The following SRI variants were observed in gnomAD, a reference collection of about 807,000 sequenced individuals.
SRI encodes 22 kDa protein.
SRI carries 30 observed loss-of-function variants against 33.3 expected under a neutral mutation model. The ratio of observed to expected loss-of-function variants is 0.90; its 90% CI spans 0.67 to 1.22. The LOEUF (loss-of-function observed/expected upper bound fraction) is 1.22. Among genes scored for constraint, SRI ranks in the 50% most tolerant of loss-of-function variants. SRI has a pLI of 0.00. For synonymous variants in SRI, 75 were observed against 89.9 expected (o/e 0.83, Z 0.94); for missense variants, 243 against 250.8 (o/e 0.97, Z 0.21).
At chr7:88,207,751 G>C (rs1427356932) in intron 7 of SRI, 5 of 152,262 alleles carry the variant, frequency 3.3e-5, no homozygotes, top group Non-Finnish European at 7.3e-5. Context: ...CCAGCACTTT[G>C]GGAGGCCTAA....
chr7:88,216,164 G>A (rs552289783), intron 3 of SRI, among the ~76,000 whole-genome samples: 9 of 152,244 alleles, frequency 5.9e-5, no homozygotes, highest in African/African-American at 2.2e-4. Context: ...TTTTTGCAGA[G>A]ACAAGGTTTC....
chr7:88,218,856 A>G lies in SRI; in HGVS notation c.135+3T>C, dbSNP rs772085816. 5 of 1,614,008 alleles carry G rather than the reference A, an allele frequency of 3.1e-6. No homozygotes were observed. Among genetic ancestry groups the G allele is most frequent in the Non-Finnish European group, 4.2e-6 (5 of 1,179,892 alleles). On this transcript the variant is annotated splice_donor_region_variant and intron_variant, in intron 2 of 7. Transcript: ENST00000265729. ...CTCTTTAATATTAAAGGGAAAAGCT[A>G]ACCTGTCCAGCTACAGCAGCAAAGT...
rs549930077 is a variant in SRI at position 88,209,255 on chromosome 7, T to C, written c.511+84A>G. On this transcript the variant is annotated intron_variant, in intron 6 of 7. Coordinates refer to ENST00000265729, the MANE Select transcript of SRI (RefSeq NM_003130.4). Reference sequence around the variant, plus strand: ...AAAGCAAGAAAAAATTTGGGAAGAATAAAAGTTGAGAAGCACTGAGAGATG... The same window carrying C: ...AAAGCAAGAAAAAATTTGGGAAGAACAAAAGTTGAGAAGCACTGAGAGATG... The C allele has an allele frequency of 2.6e-6, 3 of 1,146,856 alleles. No homozygotes were observed. The Admixed American group carries it at 6.9e-5, about 26-fold the overall frequency. The allele number at this position is 1,146,856 out of a possible 1,614,324, so 71.0% of individuals were successfully genotyped here. A position where few individuals can be genotyped will look rare whatever the true frequency, so the allele number is the denominator to read the frequency against.
At chr7:88,207,331 G>A (rs1851458108) in intron 7 of SRI, among the ~76,000 whole-genome samples, 1 of 152,274 alleles carries the variant, frequency 6.6e-6, no homozygotes, top group African/African-American at 2.4e-5. Context: ...GTTAACGCAT[G>A]TTAAAGAGAA....
intron 1 of SRI, 118 bp downstream of exon 1, chr7:88,219,858 G>A (rs907620506): frequency 9.3e-6 from 12 of 1,284,546 alleles, no homozygotes; most frequent in African/African-American, 6.2e-5. Flanking sequence ...AGCCGAGGGC[G>A]GAAGGAGCCC....
rs570311855 is a variant in SRI at position 88,205,986 on chromosome 7, C to T, written c.*492G>A. 1.6e-4 allele frequency: 26 copies of T among 159,712 alleles called. No individual in the cohort carries two copies. Among genetic ancestry groups the T allele is most frequent in the Non-Finnish European group, 2.9e-4 (21 of 72,098 alleles). 9.9% of individuals were successfully genotyped at this position (159,712 alleles called of 1,614,324 possible). A position where few individuals can be genotyped will look rare whatever the true frequency, so the allele number is the denominator to read the frequency against. On this transcript the variant is annotated 3_prime_UTR_variant, in exon 8 of 8. Transcript: ENST00000265729. ...AAATTATTCAACAGGTTTTGAAGGG[C>T]GTGTGCTAAACTTCTAAGGTGAATC...
Position 88,219,529 on chromosome 7 carries a change from TCTCA to T in SRI, c.51+443_51+446del, listed in dbSNP as rs539836419. The T allele has an allele frequency of 1.5e-5, 3 of 193,588 alleles. No individual in the cohort carries two copies. In the East Asian group the frequency reaches 4.4e-4, roughly 28 times the overall value. 12.0% of individuals were successfully genotyped at this position (193,588 alleles called of 1,614,324 possible). A position where few individuals can be genotyped will look rare whatever the true frequency, so the allele number is the denominator to read the frequency against. The stretch of plus-strand genomic sequence containing the variant: ...GTTTTCCCTTTTTTTCCGTCCCCCT[TCTCA>T]CTCGTTTTTTGTTTGTTTGTTTGTT... On this transcript the variant is annotated intron_variant, in intron 1 of 7. Coordinates refer to ENST00000265729, the MANE Select transcript of SRI (RefSeq NM_003130.4).
chr7:88,206,396 A>AT lies in SRI; in HGVS notation c.*81_*82insA. 1 of 1,486,554 alleles carries AT rather than the reference A, an allele frequency of 6.7e-7. No individual in the cohort carries two copies. The highest frequency in any genetic ancestry group is 9.4e-7 in the Non-Finnish European group (1 of 1,063,848). The allele number at this position is 1,486,554 out of a possible 1,614,324, so 92.1% of individuals were successfully genotyped here. ...AGAGAAAGTCGTGATGTAAGTTTAT[A>AT]CATATTACCGAAGGCAAAGAGGACA... is the stretch of plus-strand genomic sequence containing the variant. On this transcript the variant is annotated 3_prime_UTR_variant, in exon 8 of 8. Coordinates refer to ENST00000265729, the MANE Select transcript of SRI (RefSeq NM_003130.4).
chr7:88,206,372 G>C lies in SRI; in HGVS notation c.*106C>G. 1 of 1,300,798 alleles carries C rather than the reference G, an allele frequency of 7.7e-7. No homozygotes were observed. Among genetic ancestry groups the C allele is most frequent in the Non-Finnish European group, 1.1e-6 (1 of 895,096 alleles). 80.6% of individuals were successfully genotyped at this position (1,300,798 alleles called of 1,614,324 possible). On this transcript the variant is annotated 3_prime_UTR_variant, in exon 8 of 8. Coordinates refer to ENST00000265729, the MANE Select transcript of SRI (RefSeq NM_003130.4). Reference sequence around the variant, plus strand: ...TAATAAACTTTACAACAGCTGTTAAGAGAAAGTCGTGATGTAAGTTTATAC... The same window carrying C: ...TAATAAACTTTACAACAGCTGTTAACAGAAAGTCGTGATGTAAGTTTATAC...
intron 1 of SRI, among the ~76,000 whole-genome samples, chr7:88,225,685 TC>T (rs1203344683): frequency 6.6e-6 from 1 of 152,212 alleles, no homozygotes; most frequent in Non-Finnish European, 1.5e-5. Flanking sequence ...CTCACGCTAT[TC>T]TCTCAGGACT....
rs369207397 is a variant in SRI at position 88,209,463 on chromosome 7, A to G, written c.398-11T>C. 3.7e-5 allele frequency: 59 copies of G among 1,603,334 alleles called. No individual in the cohort carries two copies. The highest frequency in any genetic ancestry group is 5.0e-5 in the Non-Finnish European group (58 of 1,170,254). On this transcript the variant is annotated splice_polypyrimidine_tract_variant and intron_variant, in intron 5 of 7. Coordinates refer to ENST00000265729, the MANE Select transcript of SRI (RefSeq NM_003130.4). ...GACTCAACCTAAATCCTAAAAGAAA[A>G]GCCATCCAGTAAAAAGGTTAAAGGA...
upstream of SRI, among the ~76,000 whole-genome samples, chr7:88,225,000 G>A (rs1229925988): frequency 6.6e-6 from 1 of 152,186 alleles, no homozygotes; most frequent in Non-Finnish European, 1.5e-5. Context: ...CCTTTCATCT[G>A]TGTTGGCTTC....
In SRI at chr7:88,209,422, G is replaced by T. The variant is rs1369843549; in HGVS notation, c.428C>A (p.Ser143Ter). The T allele has an allele frequency of 6.2e-7, 1 of 1,613,992 alleles. No individual in the cohort carries two copies. Among genetic ancestry groups the T allele is most frequent in the East Asian group, 2.2e-5 (1 of 44,874 alleles). ...ATTGGTGCTGTATCGTTTTGCAATT[G>T]AATTCACAGCCTGGGGACTCAACCT... Reference protein sequence around the residue: ...GFRLSPQAVNSIAKRYSTNGK... With the variant: ...GFRLSPQAVN The change falls in exon 6 of 8, where the codon TCA becomes TAA. Residue 143 changes from serine (S) to a stop codon, truncating the protein, a stop_gained. Coordinates refer to ENST00000265729, the MANE Select transcript of SRI (RefSeq NM_003130.4). LOFTEE classifies it high-confidence loss of function.
intron 1 of SRI, 111 bp from the exon 2 acceptor site, chr7:88,219,053 A>G: frequency 1.2e-6 from 1 of 836,766 alleles, no homozygotes; most frequent in African/African-American, 1.7e-5. Context: ...CGCCCTTCAC[A>G]AGGCTCACCT....
chr7:88,206,979 T>C (rs1014978347), intron 7 of SRI, among the ~76,000 whole-genome samples: 6 of 152,198 alleles, frequency 3.9e-5, no homozygotes, highest in African/African-American at 1.4e-4. Flanking sequence ...AGCATGCAAG[T>C]GTATGTATGC....
rs1291544151 is a variant in SRI, at chr7:88,205,362, A to AGAT, written c.*1113_*1115dup. 5.3e-5 allele frequency: 8 copies of AGAT among 152,236 alleles called. No individual in the cohort carries two copies. Among genetic ancestry groups the AGAT allele is most frequent in the South Asian group, 2.1e-4 (1 of 4,836 alleles). The allele number at this position is 152,236 out of a possible 1,614,324, so 9.4% of individuals were successfully genotyped here. A position where few individuals can be genotyped will look rare whatever the true frequency, so the allele number is the denominator to read the frequency against. ...CTTCATATTCAGAACTACTCCCAAG[A>AGAT]GATAACATATTATCTCCTTTTCAAA... On this transcript the variant is annotated 3_prime_UTR_variant, in exon 8 of 8. Coordinates refer to ENST00000265729, the MANE Select transcript of SRI (RefSeq NM_003130.4).
intron 3 of SRI, among the ~76,000 whole-genome samples, chr7:88,211,662 C>G (rs1457074709): frequency 6.6e-6 from 1 of 152,022 alleles, no homozygotes; most frequent in East Asian, 1.9e-4. Flanking sequence ...TCTATTTTCC[C>G]TTCAATGTCA....
chr7:88,219,877 G>T, intron 1 of SRI, 99 bp downstream of exon 1: 2 of 1,423,352 alleles, frequency 1.4e-6, no homozygotes, highest in South Asian at 1.3e-5. Flanking sequence ...CCGGGTAGCC[G>T]CCCAGCAGCG....
intron 3 of SRI, chr7:88,215,056 T>C (rs1011661561): frequency 4.8e-6 from 2 of 413,086 alleles, no homozygotes; most frequent in East Asian, 7.5e-5. Flanking sequence ...GAAGGGCCCA[T>C]AGGCTCTGAG....
Sources: gnomAD v4.1 joint callset for allele counts (sites outside exome capture counted in the v4.1 genomes callset) on GRCh38, gnomAD v4.1.1 for gene constraint, MANE v1.5 for transcripts, NCBI Gene and HGNC (gene_info 2026-07-23, HGNC 2026-07-21) for gene names.